Variants in MRPL43 observed in about 807,000 individuals in gnomAD.
MRPL43 encodes the protein mitochondrial ribosomal protein L43.
A neutral mutation model predicts 12.7 loss-of-function variants in MRPL43; 9 were observed. The ratio of observed to expected loss-of-function variants is 0.71; its 90% CI spans 0.43 to 1.24. The LOEUF (loss-of-function observed/expected upper bound fraction) is 1.24, where lower values mean the gene tolerates loss of function less well. Ranked by LOEUF, MRPL43 falls within the 50% of genes most tolerant of loss-of-function variation. The pLI is 0.00. For missense variants in MRPL43, 211 were observed against 229.2 expected (o/e 0.92, Z 0.51); for synonymous variants, 116 against 96.4 (o/e 1.20, Z -1.19).
chr10:100,978,682 AT>A, downstream of MRPL43: 1 of 1,588,774 alleles, frequency 6.3e-7, no homozygotes, highest in Non-Finnish European at 8.6e-7. Context: ...GTAGGGGACT[AT>A]TTCTTCATTT....
chr10:100,982,635 T>C (rs909629233), downstream of MRPL43, among the ~76,000 whole-genome samples: 1 of 152,022 alleles, frequency 6.6e-6, no homozygotes, highest in Non-Finnish European at 1.5e-5. Flanking sequence ...CTACTAAAAA[T>C]ACAAAAACTA....
chr10:100,979,097 C>G (rs763792103), downstream of MRPL43: 3 of 1,613,990 alleles, frequency 1.9e-6, no homozygotes, highest in Non-Finnish European at 2.5e-6. Context: ...CCTCTACCTC[C>G]CCAGGGAGAC....
downstream of MRPL43, chr10:100,983,379 A>C (rs1232869244): frequency 1.2e-6 from 2 of 1,609,606 alleles, no homozygotes; most frequent in Non-Finnish European, 1.7e-6. Context: ...CCAGCCATCC[A>C]ACCTGGCCCG....
downstream of MRPL43, chr10:100,981,427 T>C (rs757324175): frequency 6.2e-7 from 1 of 1,613,986 alleles, no homozygotes; most frequent in Non-Finnish European, 8.5e-7. Context: ...CTAGGAAACA[T>C]ATTTAAGATG....
downstream of MRPL43, chr10:100,983,755 T>A: frequency 2.5e-6 from 4 of 1,612,230 alleles, no homozygotes; most frequent in South Asian, 1.1e-5. Context: ...AAATACTCAC[T>A]GGGTCGGGCC....
At chr10:100,980,836 G>C (rs766932360), downstream of MRPL43, 4 of 1,579,864 alleles carry the variant, frequency 2.5e-6, no homozygotes, top group South Asian at 3.5e-5. Context: ...GCCTCTATGT[G>C]GGGGCTCCTA....
downstream of MRPL43, chr10:100,980,933 T>C (rs1851038517): frequency 6.2e-7 from 1 of 1,611,198 alleles, no homozygotes. Context: ...CTACTGTGGC[T>C]GGGACCCTGG....
downstream of MRPL43, chr10:100,983,922 C>T: frequency 1.3e-6 from 2 of 1,585,806 alleles, no homozygotes; most frequent in Non-Finnish European, 1.7e-6. Flanking sequence ...ACCCCCACCG[C>T]CCCCACCGCC....
downstream of MRPL43, chr10:100,978,518 C>G: frequency 6.2e-7 from 1 of 1,612,776 alleles, no homozygotes; most frequent in Non-Finnish European, 8.5e-7. Flanking sequence ...TGGAATATCC[C>G]CACGCCAGAT....
At chr10:100,980,775 T>C (rs1212047979), downstream of MRPL43, 1 of 1,594,026 alleles carries the variant, frequency 6.3e-7, no homozygotes, top group Non-Finnish European at 8.5e-7. Context: ...GCTGTGTATC[T>C]GTATGAGTGG....
At chr10:100,985,074 T>A, downstream of MRPL43, 1 of 638,694 alleles carries the variant, frequency 1.6e-6, no homozygotes. Flanking sequence ...TTAACTGTCC[T>A]CACAGGCCCT....
downstream of MRPL43, chr10:100,984,646 A>G (rs1851334603): frequency 1.3e-6 from 2 of 1,536,100 alleles, no homozygotes; most frequent in African/African-American, 1.4e-5. Flanking sequence ...GCTGGGCTGC[A>G]GTGCCCCCAC....
chr10:100,979,337 T>G (rs1358809219), downstream of MRPL43: 1 of 1,613,170 alleles, frequency 6.2e-7, no homozygotes, highest in South Asian at 1.1e-5. Context: ...CAGAGGTCAA[T>G]GAGGATGAGA....
chr10:100,981,002 G>A (rs758503821), downstream of MRPL43: 1 of 1,594,022 alleles, frequency 6.3e-7, no homozygotes, highest in African/African-American at 1.3e-5. Context: ...AAGCAGGTGG[G>A]AAGTGGTGGG....
downstream of MRPL43, chr10:100,980,871 C>A: frequency 1.2e-6 from 2 of 1,609,230 alleles, no homozygotes; most frequent in Non-Finnish European, 1.7e-6. Flanking sequence ...CTACCACTCT[C>A]CAGCTGCTCC....
At chr10:100,978,323 G>C (rs151095552), downstream of MRPL43, 1 of 1,613,606 alleles carries the variant, frequency 6.2e-7, no homozygotes, top group Non-Finnish European at 8.5e-7. Flanking sequence ...TTGCCAACCA[G>C]CTTCGAGGAG....
chr10:100,978,599 A>T, downstream of MRPL43: 1 of 1,613,482 alleles, frequency 6.2e-7, no homozygotes, highest in Non-Finnish European at 8.5e-7. Context: ...CGCCACCCAC[A>T]CTCCCTGAGA....
chr10:100,980,361 TCCCTGATCCCTGTTGG>T, downstream of MRPL43: 2 of 1,602,962 alleles, frequency 1.2e-6, no homozygotes. Flanking sequence ...CTGATCCCAA[TCCCTGATCCCTGTTGG>T]CCCTGATCAC....
downstream of MRPL43, chr10:100,986,242 C>T (rs1851457353): frequency 3.3e-6 from 4 of 1,207,478 alleles, no homozygotes; most frequent in Non-Finnish European, 4.3e-6. Context: ...TTGTGCTTAA[C>T]ATATGCACAC....
Sources: allele counts gnomAD v4.1 joint callset (sites outside exome capture counted in the v4.1 genomes callset), GRCh38; gene constraint gnomAD v4.1.1; transcripts MANE v1.5; gene names NCBI Gene and HGNC (gene_info 2026-07-23, HGNC 2026-07-21).